Variants in PDE10A observed in about 807,000 individuals in gnomAD.
PDE10A encodes the protein phosphodiesterase 10A.
Under a neutral mutation model 97.7 loss-of-function variants are expected in PDE10A, and 39 were observed. That is an observed-to-expected ratio of 0.40 (90% CI 0.31 to 0.52). The LOEUF is 0.52. Among genes scored for constraint, PDE10A ranks in the 20% least tolerant of loss-of-function variants. PDE10A has a pLI of 0.56. For missense variants in PDE10A, 731 were observed against 1,047.8 expected (o/e 0.70, Z 4.17); for synonymous variants, 371 against 376.8 (o/e 0.98, Z 0.18).
chr6:165,660,240 T>G (rs946981240), intron 1 of PDE10A: 1 of 152,460 alleles, frequency 6.6e-6, no homozygotes, highest in Non-Finnish European at 1.5e-5. Context: ...GGCACTTCAG[T>G]AGGGAAAAGT....
intron 1 of PDE10A, among the ~76,000 whole-genome samples, chr6:165,692,108 A>C (rs1791316780): frequency 6.6e-6 from 1 of 152,206 alleles, no homozygotes; most frequent in Admixed American, 6.5e-5. Flanking sequence ...ATCCTCAAAT[A>C]TAGACCTGGT....
intron 1 of PDE10A, among the ~76,000 whole-genome samples, chr6:165,629,247 G>T (rs538752092): frequency 6.6e-6 from 1 of 152,134 alleles, no homozygotes; most frequent in Non-Finnish European, 1.5e-5. Flanking sequence ...CACTCATTAC[G>T]CTTTCTTTGT....
At chr6:165,737,883 T>C (rs1165390929) in intron 1 of PDE10A, among the ~76,000 whole-genome samples, 1 of 152,210 alleles carries the variant, frequency 6.6e-6, no homozygotes, top group Non-Finnish European at 1.5e-5. Flanking sequence ...ACAGATGACT[T>C]GATTTTTTAT....
chr6:165,712,918 G>A (rs1413630885), intron 1 of PDE10A, among the ~76,000 whole-genome samples: 7 of 152,142 alleles, frequency 4.6e-5, no homozygotes, highest in Non-Finnish European at 1.0e-4. Flanking sequence ...GGGATTACAG[G>A]CATGAGCCAC....
chr6:165,396,587 A>G lies in PDE10A; in HGVS notation c.2077-128T>C, dbSNP rs184073953. On this transcript the variant is annotated intron_variant, in intron 13 of 21. Transcript: ENST00000539869. ...TTAAAACCAAAGTGGATTTATTATT[A>G]TCCGTATTTCCATATGCACTGGGAT... The G allele has an allele frequency of 6.8e-6, 6 of 878,806 alleles. 1 individual carries two copies. The highest frequency in any genetic ancestry group is 5.1e-5 in the African/African-American group (3 of 58,658). The allele number at this position is 878,806 out of a possible 1,614,324, so 54.4% of individuals were successfully genotyped here. A position where few individuals can be genotyped will look rare whatever the true frequency, so the allele number is the denominator to read the frequency against.
At chr6:165,790,499 T>G (rs751109824) in intron 1 of PDE10A, among the ~76,000 whole-genome samples, 1 of 152,184 alleles carries the variant, frequency 6.6e-6, no homozygotes, top group Non-Finnish European at 1.5e-5. Flanking sequence ...GCAGCATCCA[T>G]AGCATTTTGT....
intron 1 of PDE10A, among the ~76,000 whole-genome samples, chr6:165,684,286 GCC>G: frequency 6.6e-6 from 1 of 152,326 alleles, no homozygotes; most frequent in African/African-American, 2.4e-5. Flanking sequence ...ACATAGGACT[GCC>G]TGGTCCATAT....
intron 10 of PDE10A, among the ~76,000 whole-genome samples, chr6:165,421,775 T>G (rs1788710282): frequency 6.6e-6 from 1 of 152,216 alleles, no homozygotes; most frequent in South Asian, 2.1e-4. Context: ...GTAAGAGGGC[T>G]TCTGTGGCTG....
At chr6:165,783,588 C>A (rs948389247) in intron 1 of PDE10A, among the ~76,000 whole-genome samples, 5 of 55,370 alleles carry the variant, frequency 9.0e-5, no homozygotes, top group Non-Finnish European at 1.9e-4. Context: ...TGAAAGGAAA[C>A]GAGTCACATA....
intron 1 of PDE10A, among the ~76,000 whole-genome samples, chr6:165,875,731 G>GTTTTTTTTTTTTT (rs748111095): frequency 8.5e-5 from 4 of 46,942 alleles, no homozygotes; most frequent in African/African-American, 3.1e-4. Context: ...TTCTTTTACT[G>GTTTTTTTTTTTTT]TTTTTTTTTT....
At chr6:165,424,303 C>T (rs1788954190) in intron 10 of PDE10A, among the ~76,000 whole-genome samples, 1 of 152,166 alleles carries the variant, frequency 6.6e-6, no homozygotes, top group Non-Finnish European at 1.5e-5. Flanking sequence ...ATGTCTGTCT[C>T]CCCACAGATT....
At position 165,711,147 on chromosome 6, in the gene PDE10A, C is replaced by T. The variant is rs920503069; in HGVS notation, c.-614-167579G>A. 1.3e-5 allele frequency among the ~76,000 whole-genome samples: 2 copies of T among 152,148 alleles called. No individual in the cohort carries two copies. Among genetic ancestry groups the T allele is most frequent in the Non-Finnish European group, 2.9e-5 (2 of 68,018 alleles). On this transcript the variant is annotated intron_variant, in intron 1 of 19. Coordinates refer to the PDE10A transcript ENST00000366882. The surrounding 1 kb of genome is among the most constrained non-coding windows in gnomAD (Gnocchi z 4.5). The stretch of plus-strand genomic sequence containing the variant: ...CCCACCTTTAAGCATGAAGGGGAGG[C>T]GGCTGGCTGGAGAGAACAACAGGGA...
At chr6:165,392,015 A>C (rs1351762904) in intron 16 of PDE10A, among the ~76,000 whole-genome samples, 5 of 152,186 alleles carry the variant, frequency 3.3e-5, no homozygotes, top group Admixed American at 3.3e-4. Context: ...GATATCCTTC[A>C]AAGTCGGGAT....
intron 17 of PDE10A, among the ~76,000 whole-genome samples, chr6:165,383,491 A>C (rs1785061643): frequency 6.6e-6 from 1 of 152,032 alleles, no homozygotes; most frequent in Non-Finnish European, 1.5e-5. Flanking sequence ...TCCCCTGCTC[A>C]GTGTCTCAGT....
At chr6:165,688,858 G>A (rs968878846) in intron 1 of PDE10A, among the ~76,000 whole-genome samples, 2 of 152,244 alleles carry the variant, frequency 1.3e-5, no homozygotes, top group Non-Finnish European at 2.9e-5. Flanking sequence ...CTGTGTGAGT[G>A]TGTGAGTGTG....
rs923810007 is a variant in PDE10A, at chr6:165,567,998, T to C, written c.866-24430A>G. ...ACAATAGGTACGCAACAAGGCATTTTTTTTTTTTTTTTTTTTTTGAGACGG... is the reference window on the plus strand; with the variant it reads ...ACAATAGGTACGCAACAAGGCATTTCTTTTTTTTTTTTTTTTTTGAGACGG... On this transcript the variant is annotated intron_variant, in intron 1 of 21. Coordinates refer to ENST00000539869, the MANE Select transcript of PDE10A (RefSeq NM_001385079.1). Among the ~76,000 whole-genome samples, 91 of 139,424 alleles carry C rather than the reference T, an allele frequency of 6.5e-4. 1 individual carries two copies. Among genetic ancestry groups the C allele is most frequent in the African/African-American group, 2.0e-3 (74 of 37,752 alleles). The allele number at this position is 139,424 out of a possible 152,430, so 91.5% of individuals were successfully genotyped here.
chr6:165,464,300 C>T (rs1778510565), intron 3 of PDE10A, among the ~76,000 whole-genome samples: 1 of 152,186 alleles, frequency 6.6e-6, no homozygotes, highest in Admixed American at 6.5e-5. Flanking sequence ...AAAACCATGA[C>T]TCATTCTGAT....
chr6:165,662,690 C>G lies in PDE10A; in HGVS notation c.122G>C (p.Gly41Ala), dbSNP rs969333213. 3 of 145,838 alleles carry G rather than the reference C, an allele frequency of 2.1e-5. No individual in the cohort carries two copies. The highest frequency in any genetic ancestry group is 7.4e-5 in the African/African-American group (3 of 40,636). The allele number at this position is 145,838 out of a possible 1,614,324, so 9.0% of individuals were successfully genotyped here. ...CGGGCCCGGGCCCGCCGCGCTCCCC[C>G]CGCCGGCCGCGCTGAGCCGGGGTTC... Reference protein sequence around the residue: ...RPEPRLSAAGGGSAAGPGPAP... With the variant: ...RPEPRLSAAGAGSAAGPGPAP... The change falls in exon 1 of 22, where the codon GGG (glycine) becomes GCG (alanine). Residue 41 changes from glycine to alanine, a missense_variant. This residue lies in a region of PDE10A where 181 missense variants were observed against 159.1 expected (regional missense o/e 1.14). Coordinates refer to ENST00000539869, the MANE Select transcript of PDE10A (RefSeq NM_001385079.1).
chr6:165,885,392 G>C (rs554799962), intron 1 of PDE10A, among the ~76,000 whole-genome samples: 1 of 152,258 alleles, frequency 6.6e-6, no homozygotes, highest in Non-Finnish European at 1.5e-5. Flanking sequence ...CAGATCTCGT[G>C]AGAACTCCTT....
Sources: gnomAD v4.1 joint callset for allele counts (sites outside exome capture counted in the v4.1 genomes callset) on GRCh38, gnomAD v4.1.1 for gene constraint, gnomAD v4.1.1 regional missense constraint, Gnocchi (gnomAD v3.1) non-coding constraint, MANE v1.5 for transcripts, NCBI Gene and HGNC (gene_info 2026-07-23, HGNC 2026-07-21) for gene names.